Variants in ZMYM4 observed in about 807,000 individuals in gnomAD.
ZMYM4 encodes zinc finger MYM-type protein 4.
ZMYM4 carries 31 observed loss-of-function variants against 183.2 expected under a neutral mutation model. That is an observed-to-expected ratio of 0.17 (90% confidence interval 0.13 to 0.23). The LOEUF (loss-of-function observed/expected upper bound fraction) is 0.23. ZMYM4 is among the 10% of genes least tolerant of loss of function. ZMYM4 has a pLI of 1.00. For missense variants in ZMYM4, 1,273 were observed against 1,840.3 expected, an observed-to-expected ratio of 0.69 and a Z score of 5.64; for synonymous variants, 592 against 631.2, an observed-to-expected ratio of 0.94 and a Z score of 0.93.
intron 1 of ZMYM4, among the ~76,000 whole-genome samples, chr1:35,295,646 G>T (rs141903940): frequency 4.8e-4 from 73 of 152,276 alleles, no homozygotes; most frequent in Admixed American, 2.6e-3. Context: ...AATTGCTCTG[G>T]TTAAGAACCA....
chr1:35,303,920 T>A (rs1429222135), intron 1 of ZMYM4, among the ~76,000 whole-genome samples: 1 of 152,252 alleles, frequency 6.6e-6, no homozygotes, highest in Admixed American at 6.5e-5. Context: ...TAAGCCCTGC[T>A]TTAAGTGCAT....
chr1:35,296,092 G>A (rs1239768011), intron 1 of ZMYM4: 1 of 152,188 alleles, frequency 6.6e-6, no homozygotes, highest in Non-Finnish European at 1.5e-5. Flanking sequence ...CCATCTCAGT[G>A]TGGCATTTTC....
chr1:35,346,904 T>C (rs1643417560), intron 2 of ZMYM4, among the ~76,000 whole-genome samples: 1 of 152,234 alleles, frequency 6.6e-6, no homozygotes, highest in South Asian at 2.1e-4. Context: ...ATTCTCCTTA[T>C]TCTTCTTTTT....
chr1:35,333,061 A>G (rs939741344), intron 2 of ZMYM4, among the ~76,000 whole-genome samples: 3 of 152,156 alleles, frequency 2.0e-5, no homozygotes, highest in Non-Finnish European at 4.4e-5. Flanking sequence ...AAGCACATGG[A>G]TGGAAGATAC....
At position 35,370,017 on chromosome 1, in the gene ZMYM4, TC is replaced by T; in HGVS notation, c.841-11del. On this transcript the variant is annotated splice_polypyrimidine_tract_variant and intron_variant, in intron 5 of 29. Coordinates refer to ENST00000314607, the MANE Select transcript of ZMYM4 (RefSeq NM_005095.3). ...TTCTCTATGTATTTATTTATTTTTTTCTTCTTTAAAGGAGTATAGTCATGGC... is the reference window on the plus strand; with the variant it reads ...TTCTCTATGTATTTATTTATTTTTTTTTCTTTAAAGGAGTATAGTCATGGC... 1 of 1,587,204 alleles carries T rather than the reference TC, an allele frequency of 6.3e-7. No homozygotes were observed. The highest frequency in any genetic ancestry group is 8.6e-7 in the Non-Finnish European group (1 of 1,161,210).
chr1:35,370,705 A>G (rs1158251553), intron 7 of ZMYM4, 78 bp downstream of exon 7: 4 of 888,998 alleles, frequency 4.5e-6, no homozygotes, highest in Non-Finnish European at 6.0e-6. Flanking sequence ...CATGTATTAC[A>G]TTTGATATTC....
chr1:35,351,454 C>G lies in ZMYM4; in HGVS notation c.86-7471C>G, dbSNP rs1643603650. The G allele has an allele frequency of 1.9e-6, 3 of 1,572,428 alleles. No homozygotes were observed. The East Asian group carries it at 6.7e-5, about 35-fold the overall frequency. ...GAGATGTATAAGAAAGCTCATGCTGCTATACGAGAGAATCCAGTCTATGAA... is the reference window on the plus strand; with the variant it reads ...GAGATGTATAAGAAAGCTCATGCTGGTATACGAGAGAATCCAGTCTATGAA... On this transcript the variant is annotated intron_variant, in intron 2 of 29. Coordinates refer to ENST00000314607, the MANE Select transcript of ZMYM4 (RefSeq NM_005095.3).
At chr1:35,382,406 T>C (rs542183107) in intron 9 of ZMYM4, among the ~76,000 whole-genome samples, 6 of 151,856 alleles carry the variant, frequency 4.0e-5, no homozygotes, top group Non-Finnish European at 7.4e-5. Context: ...TATTCATGCA[T>C]TTGTTTATAC....
chr1:35,418,395 A>T (rs1463859791), intron 28 of ZMYM4, 48 bp from the exon 29 acceptor site: 1 of 1,596,244 alleles, frequency 6.3e-7, no homozygotes, highest in Non-Finnish European at 8.5e-7. Context: ...AGACTCAAAG[A>T]ATAGACTTTT....
chr1:35,315,094 A>G (rs1269236857), intron 1 of ZMYM4, among the ~76,000 whole-genome samples: 1 of 148,180 alleles, frequency 6.7e-6, no homozygotes, highest in East Asian at 1.9e-4. Context: ...TTTTTTTTAA[A>G]GCTATTTTCT....
intron 23 of ZMYM4, 37 bp downstream of exon 23, chr1:35,399,613 C>G: frequency 1.9e-6 from 3 of 1,605,216 alleles, no homozygotes; most frequent in Non-Finnish European, 1.7e-6. Context: ...CTTTTCTTTC[C>G]TTCATTCTAC....
At position 35,390,068 on chromosome 1, in the gene ZMYM4, G is replaced by T; in HGVS notation, c.2557G>T (p.Val853Leu). 6.2e-7 allele frequency: 1 copy of T among 1,613,740 alleles called. No homozygotes were observed. The highest frequency in any genetic ancestry group is 1.7e-5 in the Admixed American group (1 of 59,950). The stretch of plus-strand genomic sequence containing the variant: ...CTTGATGTTCTGTAATCAGCAAAGT[G>T]TATGTGACCCGCCTTCACAAAATAA... ...CILMFCNQQS[V>L]CDPPSQNNAA... Residue 853 changes from valine to leucine, a missense_variant, in exon 15 of 30, where the codon GTA becomes TTA. Physicochemically the swap from Val to Leu is conservative, Grantham distance 32. Coordinates refer to ENST00000314607, the MANE Select transcript of ZMYM4 (RefSeq NM_005095.3).
rs745496462 is a variant in ZMYM4, at chr1:35,408,093, G to C, written c.3882G>C (p.Val1294=). The C allele has an allele frequency of 4.0e-5, 65 of 1,614,216 alleles. No individual in the cohort carries two copies. Among genetic ancestry groups the C allele is most frequent in the Middle Eastern group, 1.6e-4 (1 of 6,062 alleles). The change falls in exon 26 of 30, where the codon GTG becomes GTC. Residue 1294 remains valine (V), a synonymous_variant. Coordinates refer to ENST00000314607, the MANE Select transcript of ZMYM4 (RefSeq NM_005095.3). ...SLGLCQFIQE[V]RRPNGEKYDP... is the part of the protein sequence containing the mutation. ...GCTTATGCCAGTTTATCCAAGAGGT[G>C]CGGAGACCAAATGGTGAAAAATATG...
At chr1:35,377,277 C>G (rs1644356233) in intron 7 of ZMYM4, among the ~76,000 whole-genome samples, 1 of 152,142 alleles carries the variant, frequency 6.6e-6, no homozygotes, top group African/African-American at 2.4e-5. Flanking sequence ...ACTAAATATC[C>G]TTCTCACTAA....
chr1:35,351,328 T>C (rs1295577899), intron 2 of ZMYM4: 1 of 1,571,954 alleles, frequency 6.4e-7, no homozygotes, highest in African/African-American at 1.3e-5. Context: ...GGCCAGAAAG[T>C]TGCAGATTAC....
chr1:35,315,040 AAAAC>A (rs1451565717), intron 1 of ZMYM4, among the ~76,000 whole-genome samples: 1 of 145,470 alleles, frequency 6.9e-6, no homozygotes, highest in Non-Finnish European at 1.5e-5. Flanking sequence ...CAAAAAAACA[AAAAC>A]AAAAAAAACA....
chr1:35,326,478 G>A (rs975182031), intron 2 of ZMYM4, among the ~76,000 whole-genome samples: 2 of 152,120 alleles, frequency 1.3e-5, no homozygotes, highest in Non-Finnish European at 2.9e-5. Flanking sequence ...TAATAAACAT[G>A]ATGGGCTCAC....
chr1:35,336,962 C>T (rs1035353390), intron 2 of ZMYM4, among the ~76,000 whole-genome samples: 2 of 152,182 alleles, frequency 1.3e-5, no homozygotes, highest in African/African-American at 4.8e-5. Context: ...ATGTGCTCTT[C>T]GTGCTCTTGC....
intron 19 of ZMYM4, chr1:35,397,095 A>G: frequency 9.4e-7 from 1 of 1,060,252 alleles, no homozygotes; most frequent in Non-Finnish European, 1.1e-6. Flanking sequence ...AATTGTGAGA[A>G]ATACAAGCAA....
Sources: allele counts gnomAD v4.1 joint callset (sites outside exome capture counted in the v4.1 genomes callset), GRCh38; gene constraint gnomAD v4.1.1; transcripts MANE v1.5; gene names NCBI Gene and HGNC (gene_info 2026-07-23, HGNC 2026-07-21).